Variants in ATP11C observed in about 807,000 individuals in gnomAD.
ATP11C encodes the protein phospholipid-transporting ATPase IG.
Under a neutral mutation model 97.4 loss-of-function variants are expected in ATP11C, and 36 were observed. The observed-to-expected ratio is 0.37, with a 90% CI of 0.28 to 0.49. The LOEUF is 0.49. Among genes scored for constraint, ATP11C ranks in the 20% least tolerant of loss-of-function variants. ATP11C has a pLI of 0.98. For missense variants in ATP11C, 730 were observed against 824.6 expected (o/e 0.89, Z 1.40); for synonymous variants, 275 against 290.9 (o/e 0.95, Z 0.56).
At chrX:139,817,027 A>G in intron 3 of ATP11C, 84 bp from the exon 4 acceptor site, 1 of 565,022 alleles carries the variant, frequency 1.8e-6, no homozygotes, top group Non-Finnish European at 2.8e-6. Flanking sequence ...AAACATTTCA[A>G]ACAGAAACAT....
intron 23 of ATP11C, among the ~76,000 whole-genome samples, chrX:139,752,491 C>T (rs2081842000): frequency 9.0e-6 from 1 of 111,728 alleles, no homozygotes; most frequent in Non-Finnish European, 1.9e-5. Flanking sequence ...TCTAAGAAGA[C>T]TGAAGACAAT....
At chrX:139,926,951 G>A (rs1417226222) in intron 1 of ATP11C, among the ~76,000 whole-genome samples, 1 of 112,197 alleles carries the variant, frequency 8.9e-6, no homozygotes, top group African/African-American at 3.2e-5. Context: ...TAGGTCAGAT[G>A]AAAGGAGACA....
intron 2 of ATP11C, among the ~76,000 whole-genome samples, chrX:139,824,905 C>T (rs983651703): frequency 1.8e-5 from 2 of 111,495 alleles, no homozygotes; most frequent in Non-Finnish European, 3.8e-5. Context: ...CTAACATATT[C>T]TATAAACAGT....
At chrX:139,901,161 G>C (rs1034959900) in intron 1 of ATP11C, among the ~76,000 whole-genome samples, 2 of 111,587 alleles carry the variant, frequency 1.8e-5, no homozygotes, top group African/African-American at 6.5e-5. Context: ...CAGACAAGAG[G>C]GCCATGGACA....
chrX:139,819,374 A>C lies in ATP11C; in HGVS notation c.201T>G (p.Ile67Met). The change falls in exon 3 of 30, where the codon ATT becomes ATG. Residue 67 changes from isoleucine (I) to methionine (M), a missense_variant. Ile to Met is a conservative substitution (Grantham distance 10, BLOSUM62 1). Transcript: ENST00000682941. ...AGATTATGAGAAAATAAAAATTTGC[A>C]ATTCTTCTAAACTGTTCAAACAGAT... ...PKNLFEQFRR[I>M]ANFYFLIIFL... The C allele has an allele frequency of 1.7e-6, 2 of 1,149,154 alleles. No homozygotes were observed. The highest frequency in any genetic ancestry group is 2.3e-6 in the Non-Finnish European group (2 of 857,040). 94.7% of individuals were successfully genotyped at this position (1,149,154 alleles called of 1,213,427 possible). A position where few individuals can be genotyped will look rare whatever the true frequency, so the allele number is the denominator to read the frequency against.
At chrX:139,924,255 T>C in intron 1 of ATP11C, 1 of 381,069 alleles carries the variant, frequency 2.6e-6, no homozygotes, top group Non-Finnish European at 5.3e-6. Context: ...CAGGCTGCTC[T>C]TCTGCTTCAA....
chrX:139,924,326 C>G, intron 1 of ATP11C: 1 of 332,371 alleles, frequency 3.0e-6, no homozygotes, highest in Admixed American at 2.8e-5. Context: ...AATCTAGAAG[C>G]ATGGCTATGG....
chrX:139,863,888 C>T (rs745401116), intron 1 of ATP11C, among the ~76,000 whole-genome samples: 1 of 110,500 alleles, frequency 9.0e-6, no homozygotes, highest in South Asian at 3.9e-4. Context: ...ATATCAAAAC[C>T]TCGTCACTAT....
At chrX:139,894,804 G>T (rs1174503512) in intron 1 of ATP11C, among the ~76,000 whole-genome samples, 1 of 111,805 alleles carries the variant, frequency 8.9e-6, no homozygotes, top group African/African-American at 3.3e-5. Context: ...AATTACTGAA[G>T]AGGTGAGAAA....
intron 2 of ATP11C, among the ~76,000 whole-genome samples, chrX:139,822,603 G>A (rs1569472119): frequency 9.1e-6 from 1 of 110,417 alleles, no homozygotes; most frequent in Non-Finnish European, 1.9e-5. Context: ...TAGTAGAGAC[G>A]GGGTTTCACC....
chrX:139,800,024 C>T, intron 8 of ATP11C, 36 bp downstream of exon 8: 2 of 532,695 alleles, frequency 3.8e-6, no homozygotes, highest in Non-Finnish European at 5.8e-6. Flanking sequence ...CCCCCCCCCC[C>T]AACCAAAGGA....
At chrX:139,852,475 G>A (rs1311998746) in intron 1 of ATP11C, among the ~76,000 whole-genome samples, 2 of 27,796 alleles carry the variant, frequency 7.2e-5, no homozygotes, top group Non-Finnish European at 1.7e-4. Flanking sequence ...GGGGGGGGGG[G>A]GGGGGGAACT....
chrX:139,925,174 G>C (rs2085331408), intron 1 of ATP11C, among the ~76,000 whole-genome samples: 1 of 112,058 alleles, frequency 8.9e-6, no homozygotes, highest in South Asian at 3.7e-4. Context: ...AAATTTTAGT[G>C]AACCTAAGAA....
At chrX:139,770,892 T>C (rs1224096816) in intron 19 of ATP11C, among the ~76,000 whole-genome samples, 1 of 111,700 alleles carries the variant, frequency 9.0e-6, no homozygotes, top group Non-Finnish European at 1.9e-5. Flanking sequence ...CTACCCCCAA[T>C]GTGATTGTAT....
chrX:139,757,847 T>A lies in ATP11C; in HGVS notation c.2661A>T (p.Pro887=). The A allele has an allele frequency of 8.4e-7, 1 of 1,186,425 alleles. No individual in the cohort carries two copies. The change falls in exon 23 of 30, where the codon CCA becomes CCT. Residue 887 remains proline (P), a synonymous_variant. Coordinates refer to ENST00000682941, the MANE Select transcript of ATP11C (RefSeq NM_001353812.2). ...CACAGAAGAACTGGTACAAAAACTG[T>A]GGCAAAATGAAACAAAGGTTCTGAA... ...FFYKNLCFIL[P]QFLYQFFCGF...
At chrX:139,791,835 CAA>C (rs1398901883) in intron 12 of ATP11C, among the ~76,000 whole-genome samples, 1 of 111,259 alleles carries the variant, frequency 9.0e-6, no homozygotes, top group African/African-American at 3.3e-5. Context: ...TCAAGCTTGC[CAA>C]AAAGACTCCT....
rs745731375 is a variant in ATP11C, at chrX:139,785,206, C to A, written c.1666+20G>T. On this transcript the variant is annotated intron_variant, in intron 16 of 29. Coordinates refer to ENST00000682941, the MANE Select transcript of ATP11C (RefSeq NM_001353812.2). ...CTACAAATCAACAAAGAGAAAAATT[C>A]AAGCTTTTCAGACATGTACCTTCTT... is the stretch of plus-strand genomic sequence containing the variant. 2.6e-6 allele frequency: 3 copies of A among 1,160,311 alleles called. No homozygotes were observed. In the East Asian group the frequency reaches 9.0e-5, roughly 35 times the overall value.
chrX:139,769,163 CGTATG>C (rs1282809744), intron 19 of ATP11C, among the ~76,000 whole-genome samples: 6 of 102,330 alleles, frequency 5.9e-5, no homozygotes, highest in Non-Finnish European at 1.2e-4. Flanking sequence ...GTATAAGAAA[CGTATG>C]GTATCTGGAA....
chrX:139,786,351 C>T (rs2082573805), intron 15 of ATP11C, among the ~76,000 whole-genome samples: 1 of 111,538 alleles, frequency 9.0e-6, no homozygotes, highest in South Asian at 3.8e-4. Flanking sequence ...TATAAGACAT[C>T]TAACATGGCA....
Sources: gnomAD v4.1 joint callset for allele counts (sites outside exome capture counted in the v4.1 genomes callset) on GRCh38, gnomAD v4.1.1 for gene constraint, MANE v1.5 for transcripts, NCBI Gene and HGNC (gene_info 2026-07-23, HGNC 2026-07-21) for gene names.